The following ASB3 variants were observed in gnomAD, a reference collection of about 807,000 sequenced individuals.
ASB3 encodes ankyrin repeat and SOCS box containing 3.
Under a neutral mutation model 54.5 loss-of-function variants are expected in ASB3, and 41 were observed. That is an observed-to-expected ratio of 0.75 (90% CI 0.59 to 0.98). ASB3 has a LOEUF of 0.98. Among genes scored for constraint, ASB3 ranks in the 50% least tolerant of loss-of-function variants. The pLI, the probability that ASB3 is intolerant of heterozygous loss-of-function variation, is 0.00. For missense variants in ASB3, 733 were observed against 620.0 expected, an observed-to-expected ratio of 1.18 and a Z score of -1.94; for synonymous variants, 266 against 221.2, an observed-to-expected ratio of 1.20 and a Z score of -1.80.
intron 1 of ASB3, among the ~76,000 whole-genome samples, chr2:53,765,980 C>T (rs1673428262): frequency 6.6e-6 from 1 of 152,006 alleles, no homozygotes. Flanking sequence ...CCAGTGTACA[C>T]TACATTATGC....
At chr2:53,695,533 G>A (rs146822419) in intron 8 of ASB3, among the ~76,000 whole-genome samples, 5 of 151,338 alleles carry the variant, frequency 3.3e-5, no homozygotes, top group African/African-American at 1.2e-4. Flanking sequence ...TGCACTTTAG[G>A]TCTTACTGTG....
intron 9 of ASB3, among the ~76,000 whole-genome samples, chr2:53,689,414 G>T (rs562731332): frequency 3.9e-5 from 6 of 152,216 alleles, no homozygotes; most frequent in Non-Finnish European, 8.8e-5. Context: ...TCTTGCTAAA[G>T]AAAACAGAAA....
chr2:53,740,464 T>C (rs918057529), intron 3 of ASB3, among the ~76,000 whole-genome samples: 4 of 152,226 alleles, frequency 2.6e-5, no homozygotes, highest in African/African-American at 9.6e-5. Flanking sequence ...CTCAAGTTTA[T>C]GTTTTTCCAG....
chr2:53,714,028 G>A (rs1316491358), intron 7 of ASB3, among the ~76,000 whole-genome samples: 1 of 152,040 alleles, frequency 6.6e-6, no homozygotes, highest in Non-Finnish European at 1.5e-5. Flanking sequence ...AACGGTAAAT[G>A]ACCTGAAGCA....
intron 9 of ASB3, among the ~76,000 whole-genome samples, chr2:53,691,983 C>G (rs1668940720): frequency 6.6e-6 from 1 of 152,314 alleles, no homozygotes; most frequent in African/African-American, 2.4e-5. Flanking sequence ...CCAGATTTCT[C>G]AACCTCGGCG....
rs557585136 is a variant in ASB3 at position 53,695,453 on chromosome 2, T to C, written c.1239-1439A>G. ...AACAATTTCCTTGACTTTCTAGGGG[T>C]CCCAAACCAAAGGTTACTTGGTTCT... On this transcript the variant is annotated intron_variant, in intron 8 of 9. Transcript: ENST00000263634. 3.3e-3 allele frequency among the ~76,000 whole-genome samples: 498 copies of C among 151,888 alleles called. 1 individual carries two copies. The highest frequency in any genetic ancestry group is 5.3e-3 in the Non-Finnish European group (359 of 67,948).
chr2:53,735,430 C>T, intron 3 of ASB3, among the ~76,000 whole-genome samples: 1 of 146,438 alleles, frequency 6.8e-6, no homozygotes, highest in East Asian at 2.0e-4. Context: ...TTTAATAAAA[C>T]ATGCAAAACC....
intron 9 of ASB3, among the ~76,000 whole-genome samples, chr2:53,678,509 A>G (rs1396947278): frequency 6.6e-6 from 1 of 152,250 alleles, no homozygotes; most frequent in African/African-American, 2.4e-5. Flanking sequence ...AAGTGGTTAA[A>G]TTAAAACTAC....
chr2:53,745,532 T>A (rs1572955719), intron 3 of ASB3, among the ~76,000 whole-genome samples: 1 of 152,040 alleles, frequency 6.6e-6, no homozygotes, highest in African/African-American at 2.4e-5. Flanking sequence ...CTTTCCAGAG[T>A]CCCTCCATTT....
intron 2 of ASB3, among the ~76,000 whole-genome samples, chr2:53,752,311 A>G (rs1672559364): frequency 1.3e-5 from 2 of 152,178 alleles, no homozygotes; most frequent in African/African-American, 4.8e-5. Context: ...CACCAGGACA[A>G]ATTAGGCATG....
At chr2:53,708,371 G>C (rs564028184) in intron 7 of ASB3, among the ~76,000 whole-genome samples, 1 of 152,208 alleles carries the variant, frequency 6.6e-6, no homozygotes, top group African/African-American at 2.4e-5. Context: ...CATGGTTCCT[G>C]TACAACCTGT....
At chr2:53,747,619 T>A (rs907688666) in intron 3 of ASB3, among the ~76,000 whole-genome samples, 2 of 152,228 alleles carry the variant, frequency 1.3e-5, no homozygotes, top group Non-Finnish European at 2.9e-5. Context: ...TCCTTCATTC[T>A]TTTATTTAAC....
chr2:53,718,704 C>T (rs996892344), intron 5 of ASB3, among the ~76,000 whole-genome samples: 2 of 151,348 alleles, frequency 1.3e-5, no homozygotes, highest in Non-Finnish European at 2.9e-5. Flanking sequence ...TCAGATCATA[C>T]AAATCTTTCG....
At position 53,767,905 on chromosome 2, in the gene ASB3, G is replaced by C. The variant is rs373020166; in HGVS notation, c.-13-2320C>G. 5.2e-5 allele frequency: 84 copies of C among 1,612,676 alleles called. 1 individual carries two copies. In the South Asian group the frequency reaches 8.6e-4, roughly 17 times the overall value. On this transcript the variant is annotated intron_variant, in intron 1 of 9. Transcript: ENST00000263634. ...CGAGAAGATGTGGGTTTTTGGTTAC[G>C]GGTCCCTGATCTGGAAGGTGGATTT...
At chr2:53,671,955 C>G (rs952847505) in intron 9 of ASB3, among the ~76,000 whole-genome samples, 4 of 152,150 alleles carry the variant, frequency 2.6e-5, no homozygotes, top group African/African-American at 9.7e-5. Context: ...CAAGTACTAT[C>G]AAGAGCACAG....
chr2:53,757,787 C>T (rs757880311), intron 2 of ASB3, among the ~76,000 whole-genome samples: 3 of 152,148 alleles, frequency 2.0e-5, no homozygotes, highest in Non-Finnish European at 4.4e-5. Context: ...TGCCAGGGCC[C>T]CAAGTTTGTA....
intron 2 of ASB3, among the ~76,000 whole-genome samples, chr2:53,752,931 A>C (rs1672600104): frequency 6.6e-6 from 1 of 152,190 alleles, no homozygotes; most frequent in Non-Finnish European, 1.5e-5. Flanking sequence ...TCTCTTGTAA[A>C]GTAGAAAAGA....
rs921682223 is a variant in ASB3, at chr2:53,767,834, G to A, written c.-13-2249C>T. The A allele has an allele frequency of 1.1e-5, 17 of 1,556,728 alleles. No individual in the cohort carries two copies. The Admixed American group carries it at 2.5e-4, about 23-fold the overall frequency. On this transcript the variant is annotated intron_variant, in intron 1 of 9. Transcript: ENST00000263634. ...CTTACCGGAGGCTTCAGTCCCCGGC[G>A]GCGCGGCGACAGCTAGGGTTCACGG...
At chr2:53,712,647 G>A (rs952815699) in intron 7 of ASB3, among the ~76,000 whole-genome samples, 2 of 152,100 alleles carry the variant, frequency 1.3e-5, no homozygotes, top group Admixed American at 1.3e-4. Flanking sequence ...CACTTATAAG[G>A]TGATGAGGCG....
Sources: gnomAD v4.1 joint callset for allele counts (sites outside exome capture counted in the v4.1 genomes callset) on GRCh38, gnomAD v4.1.1 for gene constraint, MANE v1.5 for transcripts, NCBI Gene and HGNC (gene_info 2026-07-23, HGNC 2026-07-21) for gene names.